MAPK8IP1: variants seen among roughly 807,000 people sequenced by gnomAD.
MAPK8IP1 encodes C-Jun-amino-terminal kinase-interacting protein 1.
MAPK8IP1 carries 17 observed loss-of-function variants against 72.6 expected under a neutral mutation model. The ratio of observed to expected loss-of-function variants is 0.23; its 90% confidence interval spans 0.16 to 0.35. MAPK8IP1 has a LOEUF of 0.35. MAPK8IP1 is among the 10% of genes least tolerant of loss of function. MAPK8IP1 has a pLI of 1.00. For missense variants in MAPK8IP1, 789 were observed against 1,009.7 expected, an observed-to-expected ratio of 0.78 and a Z score of 2.96; for synonymous variants, 401 against 443.4, an observed-to-expected ratio of 0.90 and a Z score of 1.20.
Position 45,905,773 on chromosome 11 carries a change from A to T in MAPK8IP1, c.*52A>T, listed in dbSNP as rs759425694. 6.5e-7 allele frequency: 1 copy of T among 1,532,200 alleles called. No homozygotes were observed. The highest frequency in any genetic ancestry group is 1.1e-5 in the South Asian group (1 of 89,554). The allele number at this position is 1,532,200 out of a possible 1,614,324, so 94.9% of individuals were successfully genotyped here. ...CCAGCCCTCAGGCCAGTGCCAGGACAGCTGGCTGCTGACAGGATGTGGCAC... is the reference window on the plus strand; with the variant it reads ...CCAGCCCTCAGGCCAGTGCCAGGACTGCTGGCTGCTGACAGGATGTGGCAC... On this transcript the variant is annotated 3_prime_UTR_variant, in exon 12 of 12. Coordinates refer to ENST00000241014, the MANE Select transcript of MAPK8IP1 (RefSeq NM_005456.4).
Position 45,903,468 on chromosome 11 carries a change from G to A in MAPK8IP1, c.1493+28G>A, listed in dbSNP as rs1359860079. The A allele has an allele frequency of 6.3e-7, 1 of 1,595,266 alleles. No individual in the cohort carries two copies. Among genetic ancestry groups the A allele is most frequent in the Non-Finnish European group, 8.5e-7 (1 of 1,171,618 alleles). On this transcript the variant is annotated intron_variant, in intron 6 of 11. Coordinates refer to ENST00000241014, the MANE Select transcript of MAPK8IP1 (RefSeq NM_005456.4). This position sits in a 1 kb window ranked among gnomAD's most constrained non-coding sequence, Gnocchi z 6.4. ...GAGAGCCATGGGCTGGCTGGGCCTA[G>A]CCAGGCAGCAGTTTGGGCCACACAC...
Position 45,902,555 on chromosome 11 carries a change from A to G in MAPK8IP1, c.788A>G (p.His263Arg). ...CCGCCTGGGGGTCGGGGCCACTCGC[A>G]TCGAGACCGAATCCACTACCAGGCC... ...AAPPGGRGHSHRDRIHYQADV... is the reference protein window; with the variant it reads ...AAPPGGRGHSRRDRIHYQADV... Residue 263 changes from histidine to arginine, a missense_variant, in exon 5 of 12, where the codon CAT becomes CGT. By Grantham distance (29) the His-to-Arg change is conservative. Transcript: ENST00000241014. This position sits in a 1 kb window ranked among gnomAD's most constrained non-coding sequence, Gnocchi z 9.3. 6.2e-7 allele frequency: 1 copy of G among 1,612,346 alleles called. No homozygotes were observed. Among genetic ancestry groups the G allele is most frequent in the Non-Finnish European group, 8.5e-7 (1 of 1,179,782 alleles).
At chr11:45,905,330 C>T in intron 11 of MAPK8IP1, 81 bp downstream of exon 11, 2 of 1,309,884 alleles carry the variant, frequency 1.5e-6, no homozygotes, top group Non-Finnish European at 2.2e-6. Flanking sequence ...TGGCGCTCAG[C>T]TTTGCCCCTC....
At chr11:45,893,506 C>T (rs936979218) in intron 1 of MAPK8IP1, among the ~76,000 whole-genome samples, 8 of 152,128 alleles carry the variant, frequency 5.3e-5, no homozygotes, top group African/African-American at 1.2e-4. Flanking sequence ...AAGGTCAGGG[C>T]GGTCTCCAGA....
chr11:45,887,677 C>T (rs1377687897), intron 1 of MAPK8IP1, among the ~76,000 whole-genome samples: 3 of 152,226 alleles, frequency 2.0e-5, no homozygotes, highest in Non-Finnish European at 2.9e-5. Flanking sequence ...GAAGCAGACA[C>T]CAGCCAGTGA....
chr11:45,896,266 T>C (rs1028949813), intron 1 of MAPK8IP1, among the ~76,000 whole-genome samples: 5 of 152,204 alleles, frequency 3.3e-5, no homozygotes, highest in African/African-American at 1.2e-4. Flanking sequence ...TCAAACCCAG[T>C]TTGGATGCAG....
chr11:45,904,204 G>C lies in MAPK8IP1; in HGVS notation c.1666+43G>C, dbSNP rs148381852. The stretch of plus-strand genomic sequence containing the variant: ...GCCTGTGCCCCCAGCCACCACATCT[G>C]TCTGCCCCAACTTGCTGCTAGGTGA... On this transcript the variant is annotated intron_variant, in intron 7 of 11. Transcript: ENST00000241014. The surrounding 1 kb of genome is among the most constrained non-coding windows in gnomAD (Gnocchi z 6.4). 1.3e-6 allele frequency: 2 copies of C among 1,595,498 alleles called. No individual in the cohort carries two copies. Among genetic ancestry groups the C allele is most frequent in the South Asian group, 1.1e-5 (1 of 89,700 alleles).
chr11:45,904,407 C>A lies in MAPK8IP1; in HGVS notation c.1667-48C>A. 6.7e-7 allele frequency: 1 copy of A among 1,502,568 alleles called. No individual in the cohort carries two copies. Among genetic ancestry groups the A allele is most frequent in the Non-Finnish European group, 9.2e-7 (1 of 1,081,932 alleles). 93.1% of individuals were successfully genotyped at this position (1,502,568 alleles called of 1,614,324 possible). A position where few individuals can be genotyped will look rare whatever the true frequency, so the allele number is the denominator to read the frequency against. The stretch of plus-strand genomic sequence containing the variant: ...CACCCTCCTTCACTTGGCTGCTCAG[C>A]TCCCTCCTGCTCTTTCTGCCCCTCC... On this transcript the variant is annotated intron_variant, in intron 7 of 11. Transcript: ENST00000241014. This position sits in a 1 kb window ranked among gnomAD's most constrained non-coding sequence, Gnocchi z 6.4.
At chr11:45,896,571 T>G in intron 1 of MAPK8IP1, 2 of 1,254,772 alleles carry the variant, frequency 1.6e-6, no homozygotes, top group Non-Finnish European at 2.0e-6. Context: ...CCTGATCCCG[T>G]GAGGGAGGCG....
In MAPK8IP1 at chr11:45,904,278, G is replaced by C; in HGVS notation, c.1666+117G>C. The C allele has an allele frequency of 7.7e-7, 1 of 1,296,282 alleles. No individual in the cohort carries two copies. The highest frequency in any genetic ancestry group is 1.3e-5 in the South Asian group (1 of 79,652). The allele number at this position is 1,296,282 out of a possible 1,614,324, so 80.3% of individuals were successfully genotyped here. On this transcript the variant is annotated intron_variant, in intron 7 of 11. Transcript: ENST00000241014. This position sits in a 1 kb window ranked among gnomAD's most constrained non-coding sequence, Gnocchi z 6.4. ...GCCAGGTGGGGGGCTGAGTGGAAGT[G>C]ATTTTAGGTCCTTTTCACGATCAAG...
At position 45,891,318 on chromosome 11, in the gene MAPK8IP1, G is replaced by A. The variant is rs543749694; in HGVS notation, c.101+5397G>A. ...CTCTTGTATTCATTCCAAAATAGCAGGAGCGTCTCTGGGTGCTTTGCCTTG... is the reference window on the plus strand; with the variant it reads ...CTCTTGTATTCATTCCAAAATAGCAAGAGCGTCTCTGGGTGCTTTGCCTTG... On this transcript the variant is annotated intron_variant, in intron 1 of 11. Coordinates refer to ENST00000241014, the MANE Select transcript of MAPK8IP1 (RefSeq NM_005456.4). 2.6e-5 allele frequency among the ~76,000 whole-genome samples: 4 copies of A among 152,332 alleles called. No homozygotes were observed. In the South Asian group the frequency reaches 8.3e-4, roughly 32 times the overall value.
At chr11:45,901,008 G>A (rs2086648992) in intron 3 of MAPK8IP1, among the ~76,000 whole-genome samples, 1 of 152,082 alleles carries the variant, frequency 6.6e-6, no homozygotes, top group African/African-American at 2.4e-5. Flanking sequence ...GCTAAGTTGG[G>A]GACCTAGGGC....
chr11:45,886,145 T>C (rs2086525655), intron 1 of MAPK8IP1, among the ~76,000 whole-genome samples: 1 of 152,230 alleles, frequency 6.6e-6, no homozygotes, highest in Admixed American at 6.5e-5. Flanking sequence ...CCGCCATTCC[T>C]GGTCCTAGGC....
In MAPK8IP1 at chr11:45,902,100, G is replaced by GC. The variant is rs1290778623; in HGVS notation, c.604+42dup. On this transcript the variant is annotated intron_variant, in intron 4 of 11. Coordinates refer to ENST00000241014, the MANE Select transcript of MAPK8IP1 (RefSeq NM_005456.4). This position sits in a 1 kb window ranked among gnomAD's most constrained non-coding sequence, Gnocchi z 9.3. ...CTCTTCCTTACCTGGACCTCCGCCT[G>GC]CCCTGACTCAGTCCCCACTACAGAG... is the stretch of plus-strand genomic sequence containing the variant. 6.4e-7 allele frequency: 1 copy of GC among 1,553,586 alleles called. No individual in the cohort carries two copies. The highest frequency in any genetic ancestry group is 1.7e-5 in the Admixed American group (1 of 59,952).
intron 1 of MAPK8IP1, among the ~76,000 whole-genome samples, chr11:45,887,865 G>A (rs1010224541): frequency 5.3e-5 from 8 of 152,230 alleles, no homozygotes; most frequent in Non-Finnish European, 7.4e-5. Flanking sequence ...CAAAGCCCCC[G>A]CTGCCCTTTC....
chr11:45,891,544 G>A (rs989062816), intron 1 of MAPK8IP1, among the ~76,000 whole-genome samples: 2 of 152,302 alleles, frequency 1.3e-5, no homozygotes, highest in South Asian at 4.1e-4. Flanking sequence ...TCTGGGGAGG[G>A]CAGGCAGCCC....
chr11:45,902,399 T>A lies in MAPK8IP1; in HGVS notation c.632T>A (p.Ile211Asn). The change falls in exon 5 of 12, where the codon ATC (isoleucine) becomes AAC (asparagine). Residue 211 changes from isoleucine to asparagine, a missense_variant. By Grantham distance (149) the Ile-to-Asn change is moderately radical. Coordinates refer to ENST00000241014, the MANE Select transcript of MAPK8IP1 (RefSeq NM_005456.4). The surrounding 1 kb of genome is among the most constrained non-coding windows in gnomAD (Gnocchi z 9.3). ...TGEQTPPHEH[I>N]CLSDELPPQS... ...GAGCAGACACCACCGCATGAACACA[T>A]CTGCCTGAGCGATGAGCTGCCCCCC... 1 of 1,575,484 alleles carries A rather than the reference T, an allele frequency of 6.3e-7. No homozygotes were observed. Among genetic ancestry groups the A allele is most frequent in the Non-Finnish European group, 8.6e-7 (1 of 1,161,262 alleles).
At chr11:45,896,467 C>T (rs1463727194) in intron 1 of MAPK8IP1, 2 of 945,928 alleles carry the variant, frequency 2.1e-6, no homozygotes, top group East Asian at 1.8e-4. Context: ...TTTCTGCCAT[C>T]TACTTACAAG....
At position 45,902,225 on chromosome 11, in the gene MAPK8IP1, T is replaced by C; in HGVS notation, c.605-147T>C. ...GGGCTGAGATCAGTGGTGGCATGAGTGAGTTGACTGGCCCCAGAGCCTGCG... is the reference window on the plus strand; with the variant it reads ...GGGCTGAGATCAGTGGTGGCATGAGCGAGTTGACTGGCCCCAGAGCCTGCG... On this transcript the variant is annotated intron_variant, in intron 4 of 11. Transcript: ENST00000241014. This position sits in a 1 kb window ranked among gnomAD's most constrained non-coding sequence, Gnocchi z 9.3. 1.0e-6 allele frequency: 1 copy of C among 952,652 alleles called. No homozygotes were observed. The allele number at this position is 952,652 out of a possible 1,614,324, so 59.0% of individuals were successfully genotyped here.
Sources: gnomAD v4.1 joint callset for allele counts (sites outside exome capture counted in the v4.1 genomes callset) on GRCh38, gnomAD v4.1.1 for gene constraint, Gnocchi (gnomAD v3.1) non-coding constraint, MANE v1.5 for transcripts, NCBI Gene and HGNC (gene_info 2026-07-23, HGNC 2026-07-21) for gene names.